Variants in ACER1 observed in about 807,000 individuals in gnomAD.
The protein encoded by ACER1 is alkaline ceramidase 1.
ACER1 carries 28 observed loss-of-function variants against 24.9 expected under a neutral mutation model. The observed-to-expected ratio is 1.13, with a 90% CI of 0.83 to 1.54. The LOEUF (loss-of-function observed/expected upper bound fraction) is 1.54, where lower values mean the gene tolerates loss of function less well. Among genes scored for constraint, ACER1 ranks in the 40% most tolerant of loss-of-function variants. The pLI is 0.00. For missense variants in ACER1, 352 were observed against 349.3 expected, an observed-to-expected ratio of 1.01 and a Z score of -0.06; for synonymous variants, 132 against 131.4, an observed-to-expected ratio of 1.00 and a Z score of -0.03.
upstream of ACER1, chr19:6,333,711 C>G: frequency 1.7e-6 from 1 of 586,702 alleles, no homozygotes; most frequent in Non-Finnish European, 3.0e-6. Flanking sequence ...TGCACCAGGG[C>G]AGCCTGGCTG....
the ACER1 span, among the ~76,000 whole-genome samples, chr19:6,356,011 C>T: frequency 6.6e-6 from 1 of 151,322 alleles, no homozygotes; most frequent in Non-Finnish European, 1.5e-5. Context: ...ATGACAATGG[C>T]GGTTTGGTGG....
At chr19:6,309,640 G>A (rs2091567803) in intron 4 of ACER1, 57 bp downstream of exon 4, 2 of 1,607,376 alleles carry the variant, frequency 1.2e-6, no homozygotes. Flanking sequence ...CCTGGAGTCA[G>A]GGGTGCTAGG....
At chr19:6,356,317 C>T in the ACER1 span, among the ~76,000 whole-genome samples, 1 of 148,928 alleles carries the variant, frequency 6.7e-6, no homozygotes, top group Non-Finnish European at 1.5e-5. Context: ...CTCAAGTACC[C>T]AGGGACACAA....
the ACER1 span, among the ~76,000 whole-genome samples, chr19:6,340,241 A>G: frequency 1.8e-5 from 1 of 54,640 alleles, no homozygotes; most frequent in Non-Finnish European, 3.6e-5. Flanking sequence ...AGATCGCGCC[A>G]CTACACTCCA....
At chr19:6,306,970 A>G (rs1259519247) in intron 5 of ACER1, 88 bp from the exon 6 acceptor site, 2 of 1,518,782 alleles carry the variant, frequency 1.3e-6, no homozygotes, top group Non-Finnish European at 1.8e-6. Context: ...GCTCTTGACC[A>G]TCCATCCAGG....
At chr19:6,320,102 CA>C (rs59776363) in intron 1 of ACER1, among the ~76,000 whole-genome samples, 40,909 of 101,356 alleles carry the variant, frequency 0.4, 6,159 homozygotes, top group Middle Eastern at 0.58. Context: ...GATTCTGTCT[CA>C]AAAAAAAAAA....
intron 1 of ACER1, among the ~76,000 whole-genome samples, chr19:6,314,962 G>A (rs370949562): frequency 8.6e-5 from 13 of 151,968 alleles, no homozygotes; most frequent in South Asian, 4.1e-4. Context: ...CGCGATCTCA[G>A]CTCACTGCAA....
chr19:6,333,638 G>T, upstream of ACER1: 1 of 1,169,898 alleles, frequency 8.5e-7, no homozygotes, highest in Non-Finnish European at 1.2e-6. Flanking sequence ...GGCGGGGAGA[G>T]GACAGCCCGG....
At chr19:6,347,078 A>G in the ACER1 span, among the ~76,000 whole-genome samples, 2 of 134,112 alleles carry the variant, frequency 1.5e-5, no homozygotes, top group African/African-American at 6.1e-5. Context: ...CCTGGCCAAC[A>G]CCACGAGTCC....
chr19:6,358,933 C>CAAAAAAAA, the ACER1 span, among the ~76,000 whole-genome samples: 102 of 75,368 alleles, frequency 1.4e-3, no homozygotes, highest in South Asian at 3.1e-3. Flanking sequence ...AACTCTGTCT[C>CAAAAAAAA]AAAAAAAAAA....
At chr19:6,340,803 T>C in the ACER1 span, among the ~76,000 whole-genome samples, 3 of 151,974 alleles carry the variant, frequency 2.0e-5, no homozygotes, top group Admixed American at 6.6e-5. Flanking sequence ...CTTCCCCCGC[T>C]AGGGGGAGAG....
Position 6,306,769 on chromosome 19 carries a change from C to A in ACER1, c.740G>T (p.Ser247Ile), listed in dbSNP as rs1600232481. ...CACGTAGGGCAGCCCCACGGGCCAA[C>A]TGTCCCGAGGCCAGTAGCGGACTTT... The part of the protein sequence containing the change: ...TLKVRYWPRD[S>I]WPVGLPYVEI... Residue 247 changes from serine to isoleucine, a missense_variant, in exon 6 of 6, where the codon AGT becomes ATT. Transcript: ENST00000301452. 1.2e-6 allele frequency: 2 copies of A among 1,614,046 alleles called. No homozygotes were observed. Among genetic ancestry groups the A allele is most frequent in the East Asian group, 2.2e-5 (1 of 44,890 alleles).
upstream of ACER1, among the ~76,000 whole-genome samples, chr19:6,336,231 C>T (rs1006048560): frequency 6.6e-5 from 10 of 151,938 alleles, no homozygotes; most frequent in Admixed American, 6.6e-4. Flanking sequence ...GGGTCTTGCT[C>T]TGTTGCCCAA....
intron 1 of ACER1, among the ~76,000 whole-genome samples, chr19:6,327,602 T>C (rs1036774631): frequency 6.7e-6 from 1 of 148,752 alleles, no homozygotes; most frequent in Non-Finnish European, 1.5e-5. Flanking sequence ...AAAATAAAAA[T>C]AAAATAAAAT....
chr19:6,331,785 C>T (rs2091688410), intron 1 of ACER1, among the ~76,000 whole-genome samples: 1 of 148,480 alleles, frequency 6.7e-6, no homozygotes, highest in South Asian at 2.1e-4. Context: ...CAAAGCGAGA[C>T]TCCGTTTCAA....
chr19:6,339,108 C>T, the ACER1 span, among the ~76,000 whole-genome samples: 17,060 of 151,730 alleles, frequency 0.11, 1,294 homozygotes, highest in East Asian at 0.38. Flanking sequence ...AACTCCTGAC[C>T]TCAGGTGATC....
intron 1 of ACER1, among the ~76,000 whole-genome samples, chr19:6,322,982 C>T (rs2091638511): frequency 6.6e-6 from 1 of 152,034 alleles, no homozygotes; most frequent in South Asian, 2.1e-4. Context: ...TGTGGTGGTG[C>T]ACACCTGTAA....
rs137870494 is a variant in ACER1 at position 6,331,743 on chromosome 19, G to A, written c.93+1716C>T. ...CGGGAGGCAGAGGTTGCAGTGAGCC[G>A]AGATCGCGCCATTACATTCCAGCCT... On this transcript the variant is annotated intron_variant, in intron 1 of 5. Coordinates refer to ENST00000301452, the MANE Select transcript of ACER1 (RefSeq NM_133492.3). Among the ~76,000 whole-genome samples, 766 of 151,698 alleles carry A rather than the reference G, an allele frequency of 5.0e-3. 6 individuals carry two copies. Among genetic ancestry groups the A allele is most frequent in the African/African-American group, 0.017 (721 of 41,424 alleles).
chr19:6,341,986 A>C, the ACER1 span, among the ~76,000 whole-genome samples: 5 of 152,178 alleles, frequency 3.3e-5, no homozygotes, highest in South Asian at 1.0e-3. Flanking sequence ...TAGTGGAGCA[A>C]TATAAAATTT....
Sources: allele counts gnomAD v4.1 joint callset (sites outside exome capture counted in the v4.1 genomes callset), GRCh38; gene constraint gnomAD v4.1.1; transcripts MANE v1.5; gene names NCBI Gene and HGNC (gene_info 2026-07-23, HGNC 2026-07-21).